RPH3A: variants seen among roughly 807,000 people sequenced by gnomAD.
RPH3A encodes the protein rabphilin 3A.
A neutral mutation model predicts 102.2 loss-of-function variants in RPH3A; 48 were observed. That is an observed-to-expected ratio of 0.47 (90% CI 0.37 to 0.60). The LOEUF is 0.60. RPH3A is among the 20% of genes least tolerant of loss of function. The pLI is 0.00. For synonymous variants in RPH3A, 310 were observed against 324.3 expected (o/e 0.96, Z 0.47); for missense variants, 781 against 910.1 (o/e 0.86, Z 1.83).
At chr12:112,667,426 G>A (rs2040091515) in intron 1 of RPH3A, among the ~76,000 whole-genome samples, 1 of 152,072 alleles carries the variant, frequency 6.6e-6, no homozygotes, top group Non-Finnish European at 1.5e-5. Flanking sequence ...CAAATGGTAT[G>A]ACTCTCCACC....
At chr12:112,890,806 C>T in intron 18 of RPH3A, 43 bp from the exon 19 acceptor site, 2 of 1,598,516 alleles carry the variant, frequency 1.3e-6, no homozygotes, top group Admixed American at 1.7e-5. Context: ...ATTTCCTGGC[C>T]CCCTCCCCTC....
At chr12:112,765,658 T>C (rs567588150) in intron 1 of RPH3A, among the ~76,000 whole-genome samples, 33 of 152,342 alleles carry the variant, frequency 2.2e-4, no homozygotes, top group African/African-American at 7.5e-4. Context: ...ATGTAAAATG[T>C]TCAATGTACT....
At position 112,828,870 on chromosome 12, in the gene RPH3A, C is replaced by T. The variant is rs192450941; in HGVS notation, c.71+481C>T. On this transcript the variant is annotated intron_variant, in intron 3 of 21. Coordinates refer to ENST00000389385, the MANE Select transcript of RPH3A (RefSeq NM_001143854.2). ...CATGTAAAAATTGGGAGATTTCACA[C>T]GAAAGTCCAGATTTCTGACATGTCT... Among the ~76,000 whole-genome samples, 408 of 152,280 alleles carry T rather than the reference C, an allele frequency of 2.7e-3. 2 individuals carry two copies. Among genetic ancestry groups the T allele is most frequent in the African/African-American group, 9.2e-3 (383 of 41,562 alleles).
At chr12:112,777,480 T>G (rs1461871770) in intron 1 of RPH3A, among the ~76,000 whole-genome samples, 6 of 152,222 alleles carry the variant, frequency 3.9e-5, no homozygotes, top group Admixed American at 3.9e-4. Context: ...CTTTGGCCAT[T>G]AGCTGTCAAG....
intron 1 of RPH3A, among the ~76,000 whole-genome samples, chr12:112,701,497 G>T (rs2136029255): frequency 6.6e-6 from 1 of 152,314 alleles, no homozygotes; most frequent in South Asian, 2.1e-4. Context: ...TTCACCTAAG[G>T]TCAGGTCTGA....
intron 1 of RPH3A, among the ~76,000 whole-genome samples, chr12:112,653,004 T>G (rs1386911644): frequency 6.6e-6 from 1 of 152,220 alleles, no homozygotes; most frequent in Non-Finnish European, 1.5e-5. Context: ...CATGTTACTG[T>G]ACTGAATACT....
chr12:112,616,401 C>G (rs1173147588), intron 1 of RPH3A, among the ~76,000 whole-genome samples: 1 of 152,154 alleles, frequency 6.6e-6, no homozygotes, highest in African/African-American at 2.4e-5. Context: ...CCTGCCTCGG[C>G]CTCCCAAAGT....
At chr12:112,887,760 T>G (rs916679066) in intron 16 of RPH3A, 37 bp from the exon 17 acceptor site, 7 of 1,605,308 alleles carry the variant, frequency 4.4e-6, no homozygotes, top group Non-Finnish European at 6.0e-6. Flanking sequence ...TAATATTTGT[T>G]CCTGTTTCTC....
At chr12:112,717,243 G>A (rs1447345336) in intron 1 of RPH3A, among the ~76,000 whole-genome samples, 1 of 152,082 alleles carries the variant, frequency 6.6e-6, no homozygotes, top group African/African-American at 2.4e-5. Context: ...CGAATGCATA[G>A]TGACGTAACC....
chr12:112,664,908 G>T (rs2040073941), intron 1 of RPH3A, among the ~76,000 whole-genome samples: 1 of 150,278 alleles, frequency 6.7e-6, no homozygotes, highest in South Asian at 2.1e-4. Flanking sequence ...AAGAGCTGGG[G>T]ACTTAACACT....
intron 1 of RPH3A, among the ~76,000 whole-genome samples, chr12:112,585,142 C>T (rs1219210892): frequency 6.6e-6 from 1 of 152,208 alleles, no homozygotes; most frequent in Non-Finnish European, 1.5e-5. Flanking sequence ...CTGGAAGACT[C>T]AGCCAGTGTA....
intron 5 of RPH3A, among the ~76,000 whole-genome samples, chr12:112,855,988 A>G (rs531683881): frequency 6.6e-6 from 1 of 152,254 alleles, no homozygotes; most frequent in Admixed American, 6.5e-5. Context: ...CCACTCTCCC[A>G]CTTTGCTGCG....
intron 5 of RPH3A, chr12:112,850,902 T>C (rs2042311923): frequency 6.6e-6 from 1 of 152,260 alleles, no homozygotes; most frequent in East Asian, 1.9e-4. Flanking sequence ...CTACAGTATT[T>C]TGGGGGTGTC....
chr12:112,843,885 G>A (rs1481733026), intron 4 of RPH3A, among the ~76,000 whole-genome samples: 4 of 152,078 alleles, frequency 2.6e-5, no homozygotes, highest in African/African-American at 9.7e-5. Context: ...GGGGCTCTTC[G>A]GGAAGGGTAG....
At chr12:112,881,643 C>G in intron 14 of RPH3A, 129 bp from the exon 15 acceptor site, 1 of 587,492 alleles carries the variant, frequency 1.7e-6, no homozygotes, top group South Asian at 2.8e-5. Context: ...CCTTCTCTCT[C>G]TTTGGAGGAG....
At chr12:112,871,494 G>A (rs568764066) in intron 10 of RPH3A, among the ~76,000 whole-genome samples, 3 of 152,164 alleles carry the variant, frequency 2.0e-5, no homozygotes, top group Admixed American at 2.0e-4. Context: ...ATGTCTTCAA[G>A]GTTCACCCGT....
At chr12:112,887,610 G>T (rs540306995) in intron 16 of RPH3A, among the ~76,000 whole-genome samples, 187 bp from the exon 17 acceptor site, 1 of 152,310 alleles carries the variant, frequency 6.6e-6, no homozygotes, top group South Asian at 2.1e-4. Flanking sequence ...GTGCTTTACT[G>T]CATGTCAGTT....
upstream of RPH3A, among the ~76,000 whole-genome samples, chr12:112,790,471 T>G (rs2041087380): frequency 6.6e-6 from 1 of 152,186 alleles, no homozygotes; most frequent in Non-Finnish European, 1.5e-5. Flanking sequence ...CCCTGGGCCA[T>G]CTGGATGGGA....
In RPH3A at chr12:112,756,723, C is replaced by T. The variant is rs200457200; in HGVS notation, c.-139-35420C>T. Reference sequence around the variant, plus strand: ...TCAGTGAATAACCCTGCATCTACATCATTTTGTGCAAGTCCAAACATTTCT... The same window carrying T: ...TCAGTGAATAACCCTGCATCTACATTATTTTGTGCAAGTCCAAACATTTCT... On this transcript the variant is annotated intron_variant, in intron 1 of 21. Transcript: ENST00000543106. Among the ~76,000 whole-genome samples the T allele has an allele frequency of 1.5e-4, 23 of 152,310 alleles. No individual in the cohort carries two copies. In the East Asian group the frequency reaches 3.1e-3, roughly 20 times the overall value.
Sources: allele counts gnomAD v4.1 joint callset (sites outside exome capture counted in the v4.1 genomes callset), GRCh38; gene constraint gnomAD v4.1.1; transcripts MANE v1.5; gene names NCBI Gene and HGNC (gene_info 2026-07-23, HGNC 2026-07-21).